The following PDGFRA variants were observed in gnomAD, a reference collection of about 807,000 sequenced individuals.
PDGFRA encodes platelet derived growth factor receptor alpha, also known as platelet-derived growth factor receptor alpha.
Under a neutral mutation model 121.5 loss-of-function variants are expected in PDGFRA, and 25 were observed. That is an observed-to-expected ratio of 0.21 (90% CI 0.15 to 0.29). The LOEUF (loss-of-function observed/expected upper bound fraction) is 0.29, where lower values mean the gene tolerates loss of function less well. Ranked by LOEUF, PDGFRA falls within the 10% of genes least tolerant of loss-of-function variation. The pLI, the probability that PDGFRA is intolerant of heterozygous loss-of-function variation, is 1.00. For synonymous variants in PDGFRA, 463 were observed against 494.8 expected (o/e 0.94, Z 0.85); for missense variants, 1,008 against 1,345.1 (o/e 0.75, Z 3.92).
At chr4:54,274,442 C>G in intron 10 of PDGFRA, 89 bp from the exon 11 acceptor site, 1 of 933,054 alleles carries the variant, frequency 1.1e-6, no homozygotes, top group East Asian at 2.4e-5. Flanking sequence ...GTGAGAGATT[C>G]CTGGCTCAGA....
intron 1 of PDGFRA, among the ~76,000 whole-genome samples, chr4:54,250,441 C>G (rs1490925836): frequency 6.6e-6 from 1 of 152,150 alleles, no homozygotes; most frequent in Non-Finnish European, 1.5e-5. Flanking sequence ...ATACAGGAAG[C>G]ACTTTCAAAT....
chr4:54,270,074 C>T (rs1308466246), intron 7 of PDGFRA, among the ~76,000 whole-genome samples: 1 of 152,128 alleles, frequency 6.6e-6, no homozygotes, highest in Non-Finnish European at 1.5e-5. Flanking sequence ...CCCCTCCTCC[C>T]CACAGGGAAA....
rs1230732528 is a variant in PDGFRA, at chr4:54,261,330, A to G, written c.285A>G (p.Thr95=). 2 of 1,614,094 alleles carry G rather than the reference A, an allele frequency of 1.2e-6. No individual in the cohort carries two copies. The highest frequency in any genetic ancestry group is 1.7e-5 in the Admixed American group (1 of 60,016). The change falls in exon 3 of 23, where the codon ACA becomes ACG. Residue 95 remains threonine (T), a synonymous_variant. Coordinates refer to ENST00000257290, the MANE Select transcript of PDGFRA (RefSeq NM_006206.6). ...LEVSSASAAH[T]GLYTCYYNHT... ...TGAGCAGTGCCTCGGCGGCCCACAC[A>G]GGGTTGTACACTTGCTATTACAACC...
At chr4:54,291,391 G>A (rs540494809) in intron 22 of PDGFRA, among the ~76,000 whole-genome samples, 15 of 152,264 alleles carry the variant, frequency 9.9e-5, no homozygotes, top group South Asian at 2.1e-4. Flanking sequence ...ACAATAAATC[G>A]TTAAGGCATC....
intron 16 of PDGFRA, among the ~76,000 whole-genome samples, chr4:54,282,822 G>C (rs142508748): frequency 2.6e-5 from 4 of 152,310 alleles, no homozygotes; most frequent in African/African-American, 9.6e-5. Context: ...ATACAATGGG[G>C]TTATAGGCAT....
At chr4:54,288,107 A>G (rs1395821507) in intron 19 of PDGFRA, among the ~76,000 whole-genome samples, 2 of 152,172 alleles carry the variant, frequency 1.3e-5, no homozygotes, top group African/African-American at 2.4e-5. Context: ...TGAGACTTAC[A>G]CACTTAGGGA....
intron 1 of PDGFRA, among the ~76,000 whole-genome samples, chr4:54,246,860 C>T (rs763415658): frequency 1.7e-4 from 24 of 137,910 alleles, no homozygotes; most frequent in Admixed American, 6.1e-4. Context: ...ATCAAATAGA[C>T]GCAAAAAAAA....
intron 22 of PDGFRA, among the ~76,000 whole-genome samples, chr4:54,291,903 A>G (rs983767754): frequency 2.6e-5 from 4 of 152,350 alleles, no homozygotes; most frequent in South Asian, 4.1e-4. Context: ...TAGACTGGAT[A>G]AAGAACATCT....
chr4:54,255,869 C>A (rs916664738), intron 1 of PDGFRA, among the ~76,000 whole-genome samples: 2 of 151,944 alleles, frequency 1.3e-5, no homozygotes, highest in African/African-American at 2.4e-5. Flanking sequence ...ATTATGTATA[C>A]GTATTTTAGC....
At chr4:54,275,320 A>G (rs1723660083) in intron 12 of PDGFRA, among the ~76,000 whole-genome samples, 1 of 152,242 alleles carries the variant, frequency 6.6e-6, no homozygotes, top group African/African-American at 2.4e-5. Context: ...TGAGAAATGA[A>G]TGAGGACAAC....
chr4:54,250,394 A>G lies in PDGFRA; in HGVS notation c.-12-8363A>G, dbSNP rs1721985951. Reference sequence around the variant, plus strand: ...TAGATATTAGGTCCCCTAAAGTCCAAAAGTGACATATTTGGCTTATTAGAT... The same window carrying G: ...TAGATATTAGGTCCCCTAAAGTCCAGAAGTGACATATTTGGCTTATTAGAT... On this transcript the variant is annotated intron_variant, in intron 1 of 22. Coordinates refer to ENST00000257290, the MANE Select transcript of PDGFRA (RefSeq NM_006206.6). Among the ~76,000 whole-genome samples, 5 of 152,236 alleles carry G rather than the reference A, an allele frequency of 3.3e-5. No homozygotes were observed. The South Asian group carries it at 1.0e-3, about 31-fold the overall frequency.
At chr4:54,275,727 A>G (rs1723683373) in intron 12 of PDGFRA, among the ~76,000 whole-genome samples, 1 of 152,230 alleles carries the variant, frequency 6.6e-6, no homozygotes, top group African/African-American at 2.4e-5. Context: ...GTAAACTGAA[A>G]TCAAGCAAGG....
intron 1 of PDGFRA, among the ~76,000 whole-genome samples, chr4:54,245,822 T>G (rs1389000215): frequency 6.6e-6 from 1 of 151,984 alleles, no homozygotes; most frequent in African/African-American, 2.4e-5. Context: ...GAAACCCATC[T>G]CACGTGCAGA....
Position 54,278,248 on chromosome 4 carries a change from A to C in PDGFRA, c.2003-114A>C, listed in dbSNP as rs1223179195. ...TAAAAAAAAAAAAAAAAAAAAAAAA[A>C]AAAAACTTTTTTGGTATCTTATTTT... On this transcript the variant is annotated intron_variant, in intron 14 of 22. Coordinates refer to ENST00000257290, the MANE Select transcript of PDGFRA (RefSeq NM_006206.6). The C allele has an allele frequency of 5.3e-6, 3 of 563,422 alleles. No individual in the cohort carries two copies. The African/African-American group carries it at 8.8e-5, about 17-fold the overall frequency. 34.9% of individuals were successfully genotyped at this position (563,422 alleles called of 1,614,324 possible).
chr4:54,240,718 G>T (rs895626285), intron 1 of PDGFRA, among the ~76,000 whole-genome samples: 2 of 152,210 alleles, frequency 1.3e-5, no homozygotes, highest in Admixed American at 1.3e-4. Flanking sequence ...GGACAGTGGT[G>T]AGTCCCAGAG....
intron 16 of PDGFRA, among the ~76,000 whole-genome samples, chr4:54,282,146 T>C (rs1297408141): frequency 1.3e-5 from 2 of 152,146 alleles, no homozygotes; most frequent in Non-Finnish European, 2.9e-5. Context: ...GATTGGTCCT[T>C]GTGGCTGTGT....
chr4:54,288,272 A>T (rs1041377394), intron 19 of PDGFRA, among the ~76,000 whole-genome samples: 5 of 152,218 alleles, frequency 3.3e-5, no homozygotes, highest in African/African-American at 1.2e-4. Flanking sequence ...ATCTGTGATC[A>T]GGATGTAATA....
intron 10 of PDGFRA, 124 bp downstream of exon 10, chr4:54,273,854 G>A (rs1723555515): frequency 1.3e-6 from 1 of 758,424 alleles, no homozygotes; most frequent in African/African-American, 1.7e-5. Context: ...AGTTATGAAT[G>A]CTCTTAAAGT....
intron 4 of PDGFRA, chr4:54,264,225 C>T (rs1560469709): frequency 4.1e-6 from 2 of 485,946 alleles, no homozygotes; most frequent in Non-Finnish European, 3.6e-6. Context: ...CTGACTATGG[C>T]GGCCCTAAAA....
Sources: gnomAD v4.1 joint callset for allele counts (sites outside exome capture counted in the v4.1 genomes callset) on GRCh38, gnomAD v4.1.1 for gene constraint, MANE v1.5 for transcripts, NCBI Gene and HGNC (gene_info 2026-07-23, HGNC 2026-07-21) for gene names.